Variants in NBAS observed in about 807,000 individuals in gnomAD.
NBAS encodes NBAS subunit of NRZ tethering complex.
In NBAS, 219 loss-of-function variants were observed where a neutral mutation model predicts 302.5. The observed-to-expected ratio is 0.72, with a 90% CI of 0.65 to 0.81. NBAS has a LOEUF of 0.81. NBAS is among the 30% of genes least tolerant of loss of function. The probability of loss-of-function intolerance (pLI) is 0.00; values close to 1 mark genes in which losing one functional copy is unlikely to be tolerated. For missense variants in NBAS, 2,932 were observed against 2,841.6 expected (o/e 1.03, Z -0.72); for synonymous variants, 1,118 against 1,021.6 (o/e 1.09, Z -1.80).
At chr2:14,887,399 C>CAAAAAAAAAA in the NBAS span, among the ~76,000 whole-genome samples, 2 of 84,640 alleles carry the variant, frequency 2.4e-5, no homozygotes, top group African/African-American at 9.0e-5. Flanking sequence ...TGAGACTCCT[C>CAAAAAAAAAA]AAAAAAAAAA....
chr2:15,252,453 G>A (rs553643380), intron 44 of NBAS, among the ~76,000 whole-genome samples: 145 of 151,840 alleles, frequency 9.5e-4, no homozygotes, highest in African/African-American at 3.1e-3. Flanking sequence ...AGCTGAGATC[G>A]CGCCATTGCA....
chr2:15,388,677 T>G (rs1276767096), intron 28 of NBAS, among the ~76,000 whole-genome samples: 2 of 152,094 alleles, frequency 1.3e-5, no homozygotes, highest in Non-Finnish European at 2.9e-5. Context: ...AGAAGACAGA[T>G]AAGTACAAAT....
chr2:15,045,490 C>A, the NBAS span, among the ~76,000 whole-genome samples: 1 of 152,086 alleles, frequency 6.6e-6, no homozygotes, highest in Admixed American at 6.5e-5. Context: ...TCTTTCCCAA[C>A]TTTTTTCATT....
At chr2:15,543,312 C>T (rs1663942133) in intron 6 of NBAS, among the ~76,000 whole-genome samples, 1 of 152,126 alleles carries the variant, frequency 6.6e-6, no homozygotes, top group Non-Finnish European at 1.5e-5. Context: ...GGCTTTTTTT[C>T]ATCTTTCAAG....
At chr2:15,386,160 T>C (rs1675284461) in intron 28 of NBAS, among the ~76,000 whole-genome samples, 1 of 152,126 alleles carries the variant, frequency 6.6e-6, no homozygotes, top group South Asian at 2.1e-4. Context: ...AAGGCACATG[T>C]GTTAATGACT....
the NBAS span, among the ~76,000 whole-genome samples, chr2:14,983,513 C>A: frequency 7.9e-5 from 12 of 152,130 alleles, no homozygotes; most frequent in Non-Finnish European, 1.5e-4. Flanking sequence ...TTTGCAATAA[C>A]TAAAACAACT....
At chr2:15,481,482 C>A (rs944296546) in intron 12 of NBAS, among the ~76,000 whole-genome samples, 1 of 152,186 alleles carries the variant, frequency 6.6e-6, no homozygotes, top group African/African-American at 2.4e-5. Context: ...GACAGGATCA[C>A]CAAACTCCCC....
At chr2:15,441,090 T>C (rs930502545) in intron 21 of NBAS, among the ~76,000 whole-genome samples, 248 of 152,280 alleles carry the variant, frequency 1.6e-3, no homozygotes, top group African/African-American at 5.7e-3. Flanking sequence ...CTGCAGGATA[T>C]TATCCAGGAG....
chr2:14,879,294 C>T, the NBAS span, among the ~76,000 whole-genome samples: 1 of 152,112 alleles, frequency 6.6e-6, no homozygotes, highest in African/African-American at 2.4e-5. Context: ...TGTATACTCA[C>T]CATTTTGGGG....
chr2:15,415,807 C>A, intron 24 of NBAS, 88 bp from the exon 25 acceptor site: 2 of 1,382,210 alleles, frequency 1.4e-6, no homozygotes, highest in African/African-American at 1.4e-5. Flanking sequence ...CTAAAGCTTA[C>A]AGGTCCTCAG....
the NBAS span, among the ~76,000 whole-genome samples, chr2:14,796,600 G>C: frequency 6.6e-6 from 1 of 151,878 alleles, no homozygotes; most frequent in Non-Finnish European, 1.5e-5. Flanking sequence ...TATTGATAGC[G>C]ACAGGAGGCA....
chr2:15,552,130 C>T (rs1664412895), intron 5 of NBAS, among the ~76,000 whole-genome samples: 1 of 151,904 alleles, frequency 6.6e-6, no homozygotes, highest in South Asian at 2.1e-4. Context: ...AACAATTATC[C>T]AAAACCTTCA....
At chr2:15,422,681 T>G (rs578105751) in intron 23 of NBAS, among the ~76,000 whole-genome samples, 1 of 152,206 alleles carries the variant, frequency 6.6e-6, no homozygotes, top group Admixed American at 6.5e-5. Context: ...GAATCATTAA[T>G]GATCTTTTAA....
the NBAS span, among the ~76,000 whole-genome samples, chr2:15,097,576 A>G: frequency 6.6e-6 from 1 of 151,730 alleles, no homozygotes; most frequent in Admixed American, 6.6e-5. Context: ...TCTGGTAAGG[A>G]CCCTTTTCTG....
rs747693892 is a variant in NBAS at position 15,330,648 on chromosome 2, T to C, written c.4297A>G (p.Ser1433Gly). Reference protein sequence around the residue: ...TTTKAVLQAVSDGQWWKKSLT... With the variant: ...TTTKAVLQAVGDGQWWKKSLT... The stretch of plus-strand genomic sequence containing the variant: ...GACTTCTTCCACCACTGCCCATCAC[T>C]GACGGCCTGCAGCACCGCTTTGGTG... The change falls in exon 36 of 52, where the codon AGT (serine) becomes GGT (glycine). Residue 1433 changes from serine to glycine, a missense_variant. By Grantham distance (56) the Ser-to-Gly change is moderately conservative. Transcript: ENST00000281513. 2 of 1,614,096 alleles carry C rather than the reference T, an allele frequency of 1.2e-6. No individual in the cohort carries two copies. The highest frequency in any genetic ancestry group is 1.1e-5 in the South Asian group (1 of 91,082).
At chr2:15,489,720 T>C (rs368750248) in intron 11 of NBAS, among the ~76,000 whole-genome samples, 5 of 152,340 alleles carry the variant, frequency 3.3e-5, no homozygotes, top group Non-Finnish European at 7.4e-5. Context: ...CCAGTCCTTC[T>C]TGTCCAAATA....
At chr2:15,156,379 CTG>C in the NBAS span, among the ~76,000 whole-genome samples, 5 of 152,188 alleles carry the variant, frequency 3.3e-5, no homozygotes, top group Admixed American at 3.3e-4. Flanking sequence ...TTTCCTCTGT[CTG>C]TGTGGAAAGC....
chr2:14,872,628 G>A, the NBAS span, among the ~76,000 whole-genome samples: 1 of 151,874 alleles, frequency 6.6e-6, no homozygotes, highest in Non-Finnish European at 1.5e-5. Context: ...TTAGACCTTC[G>A]GGGTGAGTGT....
the NBAS span, among the ~76,000 whole-genome samples, chr2:15,123,172 T>A: frequency 6.6e-6 from 1 of 152,178 alleles, no homozygotes; most frequent in Non-Finnish European, 1.5e-5. Flanking sequence ...AAACAGTCCA[T>A]GCTCTCTCAG....
Sources: gnomAD v4.1 joint callset for allele counts (sites outside exome capture counted in the v4.1 genomes callset) on GRCh38, gnomAD v4.1.1 for gene constraint, MANE v1.5 for transcripts, NCBI Gene and HGNC (gene_info 2026-07-23, HGNC 2026-07-21) for gene names.